The following ZC3H15 variants were observed in gnomAD, a reference collection of about 807,000 sequenced individuals.
ZC3H15 encodes zinc finger CCCH domain-containing protein 15.
ZC3H15 carries 15 observed loss-of-function variants against 51.2 expected under a neutral mutation model. The observed-to-expected ratio is 0.29, with a 90% confidence interval of 0.20 to 0.45. The LOEUF (loss-of-function observed/expected upper bound fraction) is 0.45. Ranked by LOEUF, ZC3H15 falls within the 20% of genes least tolerant of loss-of-function variation. The probability of loss-of-function intolerance (pLI) is 1.00; values close to 1 mark genes in which losing one functional copy is unlikely to be tolerated. For synonymous variants in ZC3H15, 144 were observed against 162.8 expected (o/e 0.88, Z 0.88); for missense variants, 381 against 494.7 (o/e 0.77, Z 2.18).
chr2:186,498,389 C>G (rs1279303921), intron 2 of ZC3H15, among the ~76,000 whole-genome samples: 1 of 152,088 alleles, frequency 6.6e-6, no homozygotes, highest in Non-Finnish European at 1.5e-5. Flanking sequence ...GGTTACAGAC[C>G]ATATTTTATT....
chr2:186,503,572 T>G (rs1349718342), intron 5 of ZC3H15, among the ~76,000 whole-genome samples: 1 of 152,054 alleles, frequency 6.6e-6, no homozygotes, highest in Non-Finnish European at 1.5e-5. Flanking sequence ...GAAGTGGAGG[T>G]TCACCATGTT....
At chr2:186,503,968 C>T (rs1021157749) in intron 5 of ZC3H15, 64 bp from the exon 6 acceptor site, 3 of 1,332,752 alleles carry the variant, frequency 2.3e-6, no homozygotes, top group South Asian at 1.7e-5. Flanking sequence ...TCCATATACT[C>T]AGGCATTTAC....
chr2:186,505,963 C>A, intron 8 of ZC3H15, 122 bp downstream of exon 8: 3 of 969,178 alleles, frequency 3.1e-6, no homozygotes, highest in Non-Finnish European at 4.9e-6. Context: ...ATCCTTACTC[C>A]AACCATGGGA....
chr2:186,508,491 G>A (rs1685502907), intron 9 of ZC3H15, 52 bp from the exon 10 acceptor site: 1 of 1,519,214 alleles, frequency 6.6e-7, no homozygotes, highest in Admixed American at 1.7e-5. Flanking sequence ...TTGCTAATGT[G>A]GAATGGTGTT....
rs950109425 is a variant in ZC3H15 at position 186,486,299 on chromosome 2, C to T, written c.-84C>T. On this transcript the variant is annotated 5_prime_UTR_variant, in exon 1 of 10. Coordinates refer to ENST00000337859, the MANE Select transcript of ZC3H15 (RefSeq NM_018471.3). ...GCGGTGCGGCGAGTGAGGCCCCGGT[C>T]TTCCTCCTCGTCCTGCCGCAGGGCC... 3 of 1,351,918 alleles carry T rather than the reference C, an allele frequency of 2.2e-6. No homozygotes were observed. The highest frequency in any genetic ancestry group is 1.5e-5 in the African/African-American group (1 of 66,584). The allele number at this position is 1,351,918 out of a possible 1,614,324, so 83.7% of individuals were successfully genotyped here. A position where few individuals can be genotyped will look rare whatever the true frequency, so the allele number is the denominator to read the frequency against.
At chr2:186,501,562 T>C in intron 4 of ZC3H15, 137 bp downstream of exon 4, 4 of 757,332 alleles carry the variant, frequency 5.3e-6, no homozygotes, top group Non-Finnish European at 7.9e-6. Context: ...TTTATTATTT[T>C]TTATAAAATC....
intron 1 of ZC3H15, among the ~76,000 whole-genome samples, chr2:186,486,695 C>G (rs1338207027): frequency 6.6e-6 from 1 of 152,166 alleles, no homozygotes; most frequent in South Asian, 2.1e-4. Flanking sequence ...CGTGTTCACC[C>G]ACCCATGCAC....
chr2:186,503,937 C>A, intron 5 of ZC3H15, 95 bp from the exon 6 acceptor site: 1 of 968,314 alleles, frequency 1.0e-6, no homozygotes, highest in African/African-American at 1.7e-5. Context: ...TGTAATATAA[C>A]GTACTTGTGT....
intron 2 of ZC3H15, among the ~76,000 whole-genome samples, chr2:186,496,749 T>C (rs947379625): frequency 6.6e-5 from 10 of 152,224 alleles, no homozygotes; most frequent in African/African-American, 2.4e-4. Context: ...GCTTCTAACT[T>C]ATACAGCATG....
intron 6 of ZC3H15, 183 bp from the exon 7 acceptor site, chr2:186,505,268 A>G: frequency 2.2e-6 from 1 of 452,162 alleles, no homozygotes. Context: ...TAGTGTTTGT[A>G]TCTCTGGATA....
intron 8 of ZC3H15, chr2:186,506,167 T>C: frequency 2.7e-6 from 1 of 376,092 alleles, no homozygotes; most frequent in Non-Finnish European, 5.1e-6. Flanking sequence ...GAGAGAGTTA[T>C]TTTTTGGTTA....
At chr2:186,494,121 T>C (rs370507321) in intron 1 of ZC3H15, among the ~76,000 whole-genome samples, 40 of 151,954 alleles carry the variant, frequency 2.6e-4, no homozygotes, top group Middle Eastern at 3.4e-3. Flanking sequence ...TTACTAAATA[T>C]GAGTAGATAG....
intron 3 of ZC3H15, 138 bp from the exon 4 acceptor site, chr2:186,501,135 A>C: frequency 1.3e-6 from 1 of 753,404 alleles, no homozygotes; most frequent in Non-Finnish European, 2.0e-6. Context: ...ATGTCTTGCT[A>C]ATCACCCATA....
chr2:186,508,050 C>T (rs1559013691), intron 9 of ZC3H15, among the ~76,000 whole-genome samples: 1 of 151,898 alleles, frequency 6.6e-6, no homozygotes, highest in South Asian at 2.1e-4. Context: ...CTGTATAGCA[C>T]TATGTTTTTT....
At position 186,486,289 on chromosome 2, in the gene ZC3H15, A is replaced by C; in HGVS notation, c.-94A>C. Reference sequence around the variant, plus strand: ...CGCTTTCCGTGCGGTGCGGCGAGTGAGGCCCCGGTCTTCCTCCTCGTCCTG... The same window carrying C: ...CGCTTTCCGTGCGGTGCGGCGAGTGCGGCCCCGGTCTTCCTCCTCGTCCTG... On this transcript the variant is annotated 5_prime_UTR_variant, in exon 1 of 10. Transcript: ENST00000337859. 1 of 1,305,210 alleles carries C rather than the reference A, an allele frequency of 7.7e-7. No individual in the cohort carries two copies. Among genetic ancestry groups the C allele is most frequent in the Non-Finnish European group, 1.0e-6 (1 of 994,428 alleles). The allele number at this position is 1,305,210 out of a possible 1,614,324, so 80.9% of individuals were successfully genotyped here. A position where few individuals can be genotyped will look rare whatever the true frequency, so the allele number is the denominator to read the frequency against.
At chr2:186,501,549 G>C (rs2039103003) in intron 4 of ZC3H15, 124 bp downstream of exon 4, 2 of 811,498 alleles carry the variant, frequency 2.5e-6, no homozygotes, top group East Asian at 5.6e-5. Context: ...ATAATTAATT[G>C]GGTTTATTAT....
intron 9 of ZC3H15, among the ~76,000 whole-genome samples, chr2:186,507,197 G>A (rs1189608664): frequency 6.6e-6 from 1 of 152,098 alleles, no homozygotes; most frequent in Non-Finnish European, 1.5e-5. Flanking sequence ...AGTAAAAGAA[G>A]AAATGCTTAG....
rs1685514994 is a variant in ZC3H15 at position 186,509,142 on chromosome 2, A to G, written c.*409A>G. On this transcript the variant is annotated 3_prime_UTR_variant, in exon 10 of 10. Transcript: ENST00000337859. Reference sequence around the variant, plus strand: ...TAATTTCCTCTGTATTTGTATGTTTAGAAGACTGCCTAAAACATGAGCACT... The same window carrying G: ...TAATTTCCTCTGTATTTGTATGTTTGGAAGACTGCCTAAAACATGAGCACT... 2.3e-6 allele frequency: 1 copy of G among 436,208 alleles called. No homozygotes were observed. Among genetic ancestry groups the G allele is most frequent in the South Asian group, 1.7e-5 (1 of 60,428 alleles). 27.0% of individuals were successfully genotyped at this position (436,208 alleles called of 1,614,324 possible). A position where few individuals can be genotyped will look rare whatever the true frequency, so the allele number is the denominator to read the frequency against.
chr2:186,508,154 C>A (rs1160938302), intron 9 of ZC3H15, among the ~76,000 whole-genome samples: 1 of 151,972 alleles, frequency 6.6e-6, no homozygotes. Flanking sequence ...AACCAAAAGC[C>A]AAGTAGCTGC....
Sources: gnomAD v4.1 joint callset for allele counts (sites outside exome capture counted in the v4.1 genomes callset) on GRCh38, gnomAD v4.1.1 for gene constraint, MANE v1.5 for transcripts, NCBI Gene and HGNC (gene_info 2026-07-23, HGNC 2026-07-21) for gene names.